Variants in CDH18 observed in about 807,000 individuals in gnomAD.
The protein encoded by CDH18 is cadherin-18.
A neutral mutation model predicts 67.9 loss-of-function variants in CDH18; 31 were observed. That is an observed-to-expected ratio of 0.46 (90% CI 0.34 to 0.62). CDH18 has a LOEUF of 0.62. Ranked by LOEUF, CDH18 falls within the 20% of genes least tolerant of loss-of-function variation. The probability of loss-of-function intolerance (pLI) is 0.01; values close to 1 mark genes in which losing one functional copy is unlikely to be tolerated. For synonymous variants in CDH18, 362 were observed against 347.2 expected, an observed-to-expected ratio of 1.04 and a Z score of -0.48; for missense variants, 890 against 975.5, an observed-to-expected ratio of 0.91 and a Z score of 1.17.
At chr5:19,557,463 C>G (rs1246313024) in intron 8 of CDH18, among the ~76,000 whole-genome samples, 1 of 151,470 alleles carries the variant, frequency 6.6e-6, no homozygotes, top group Non-Finnish European at 1.5e-5. Flanking sequence ...AAATGGACAC[C>G]AAAGGCAAGC....
intron 3 of CDH18, among the ~76,000 whole-genome samples, chr5:19,795,198 C>T (rs554674163): frequency 6.6e-6 from 1 of 152,228 alleles, no homozygotes; most frequent in Non-Finnish European, 1.5e-5. Flanking sequence ...TCTGCTTCTT[C>T]ATAAATTATG....
chr5:19,606,317 G>T (rs935292949), intron 6 of CDH18, among the ~76,000 whole-genome samples: 1 of 151,936 alleles, frequency 6.6e-6, no homozygotes, highest in Non-Finnish European at 1.5e-5. Context: ...ATGAGCATTG[G>T]CTAAAACTAA....
chr5:19,641,705 G>A (rs906130271), intron 5 of CDH18, among the ~76,000 whole-genome samples: 1 of 151,844 alleles, frequency 6.6e-6, no homozygotes, highest in African/African-American at 2.4e-5. Context: ...TATATGAAAA[G>A]CCCACAGCTA....
In CDH18 at chr5:20,444,970, T is replaced by C. The variant is rs1431002873; in HGVS notation, c.-580+130492A>G. ...AAAATGTGTTATCATTTATATATAA[T>C]AATCATTCACAGACAGAGCCACAAA... is the stretch of plus-strand genomic sequence containing the variant. On this transcript the variant is annotated intron_variant, in intron 1 of 14. Transcript: ENST00000507958. Among the ~76,000 whole-genome samples, 3 of 152,164 alleles carry C rather than the reference T, an allele frequency of 2.0e-5. No individual in the cohort carries two copies. The East Asian group carries it at 5.8e-4, about 29-fold the overall frequency.
intron 1 of CDH18, among the ~76,000 whole-genome samples, chr5:20,406,555 A>G (rs1265500106): frequency 6.9e-6 from 1 of 144,360 alleles, no homozygotes; most frequent in East Asian, 2.0e-4. Flanking sequence ...GTGCACATGT[A>G]CCCTAAAACT....
chr5:20,391,318 C>T (rs982610940), intron 1 of CDH18, among the ~76,000 whole-genome samples: 1 of 151,660 alleles, frequency 6.6e-6, no homozygotes, highest in African/African-American at 2.4e-5. Context: ...GGTCATAAAT[C>T]CTGCATCAGT....
chr5:19,996,622 A>G (rs1053072882), intron 2 of CDH18, among the ~76,000 whole-genome samples: 5 of 151,952 alleles, frequency 3.3e-5, no homozygotes, highest in Admixed American at 6.6e-5. Flanking sequence ...TGCTTATTCA[A>G]TAGTTGAAAA....
intron 1 of CDH18, among the ~76,000 whole-genome samples, chr5:19,987,467 T>C (rs931722803): frequency 4.6e-5 from 7 of 151,936 alleles, no homozygotes. Flanking sequence ...CATTTATAAG[T>C]GCCCTTTAAA....
intron 2 of CDH18, among the ~76,000 whole-genome samples, chr5:20,245,444 A>G (rs1277864471): frequency 6.6e-6 from 1 of 152,150 alleles, no homozygotes; most frequent in Non-Finnish European, 1.5e-5. Flanking sequence ...CAGTTGTGAT[A>G]CGAGAGAAGG....
At chr5:20,499,071 A>G (rs1044205010) in intron 1 of CDH18, among the ~76,000 whole-genome samples, 4 of 152,032 alleles carry the variant, frequency 2.6e-5, no homozygotes, top group Middle Eastern at 6.3e-3. Context: ...CTCCTCAAAG[A>G]TAAGTGAGCT....
chr5:20,431,112 T>C (rs1748698837), intron 1 of CDH18, among the ~76,000 whole-genome samples: 1 of 152,154 alleles, frequency 6.6e-6, no homozygotes, highest in South Asian at 2.1e-4. Context: ...TGTGTTAAAA[T>C]AAGCAGAAGT....
At chr5:20,024,615 A>G (rs1738725295) in intron 2 of CDH18, among the ~76,000 whole-genome samples, 1 of 152,194 alleles carries the variant, frequency 6.6e-6, no homozygotes. Context: ...AAAGAGAATG[A>G]TAAGTCGTTT....
intron 1 of CDH18, among the ~76,000 whole-genome samples, chr5:20,302,641 C>T (rs1213236825): frequency 6.6e-6 from 1 of 152,174 alleles, no homozygotes; most frequent in Non-Finnish European, 1.5e-5. Context: ...TGCTCCCGGC[C>T]CCAAACCTTA....
rs575869870 is a variant in CDH18, at chr5:20,427,307, A to G, written c.-580+148155T>C. On this transcript the variant is annotated intron_variant, in intron 1 of 14. Transcript: ENST00000507958. ...ATACAGTAGAGAAAATGTATCTTAG[A>G]AAGTGTTCATGTTATTTTACAAAGA... Among the ~76,000 whole-genome samples, 12 of 151,350 alleles carry G rather than the reference A, an allele frequency of 7.9e-5. 1 individual carries two copies. Among genetic ancestry groups the G allele is most frequent in the African/African-American group, 3.0e-4 (12 of 40,652 alleles).
chr5:20,406,923 C>T (rs1047655144), intron 1 of CDH18, among the ~76,000 whole-genome samples: 13 of 152,138 alleles, frequency 8.5e-5, no homozygotes, highest in African/African-American at 2.9e-4. Flanking sequence ...CAGTATAATC[C>T]TATCCGTGGT....
intron 1 of CDH18, among the ~76,000 whole-genome samples, chr5:20,431,938 T>C (rs980898518): frequency 6.6e-6 from 1 of 152,190 alleles, no homozygotes; most frequent in Non-Finnish European, 1.5e-5. Flanking sequence ...CCCGTGACTT[T>C]TTCCGTCTAA....
At chr5:19,967,314 C>A (rs1297785632) in intron 2 of CDH18, among the ~76,000 whole-genome samples, 1 of 151,982 alleles carries the variant, frequency 6.6e-6, no homozygotes. Context: ...TTAAAGAAAT[C>A]ATGGTGATTC....
chr5:20,403,326 T>C (rs78440822), intron 1 of CDH18, among the ~76,000 whole-genome samples: 2,372 of 152,286 alleles, frequency 0.016, 35 homozygotes, highest in Middle Eastern at 0.082. Flanking sequence ...TGCAGGTTTG[T>C]TACTTATGTA....
Position 19,746,970 on chromosome 5 carries a change from A to T in CDH18, c.495T>A (p.Ile165=). Residue 165 remains isoleucine (I), a synonymous_variant, in exon 4 of 13, where the codon ATT becomes ATA. Transcript: ENST00000382275. ...TATCTGACATTTCAGGCACAGTAAC[A>T]ATGTATGGTCCATCTGTGAATTTTG... The part of the protein sequence containing the change: ...NAPKFTDGPY[I]VTVPEMSDMG... 6.2e-7 allele frequency: 1 copy of T among 1,614,070 alleles called. No homozygotes were observed. Among genetic ancestry groups the T allele is most frequent in the South Asian group, 1.1e-5 (1 of 91,080 alleles).
Sources: gnomAD v4.1 joint callset for allele counts (sites outside exome capture counted in the v4.1 genomes callset) on GRCh38, gnomAD v4.1.1 for gene constraint, MANE v1.5 for transcripts, NCBI Gene and HGNC (gene_info 2026-07-23, HGNC 2026-07-21) for gene names.